The following GPC5 variants were observed in gnomAD, a reference collection of about 807,000 sequenced individuals.
GPC5 encodes the protein glypican-5.
In GPC5, 47 loss-of-function variants were observed where a neutral mutation model predicts 53.9. That is an observed-to-expected ratio of 0.87 (90% CI 0.69 to 1.11). The LOEUF (loss-of-function observed/expected upper bound fraction) is 1.11, where lower values mean the gene tolerates loss of function less well. GPC5 is among the 50% of genes most tolerant of loss of function. The pLI is 0.00. For missense variants in GPC5, 748 were observed against 713.1 expected (o/e 1.05, Z -0.56); for synonymous variants, 286 against 263.3 (o/e 1.09, Z -0.84).
At chr13:91,747,606 C>T (rs912037029) in intron 4 of GPC5, among the ~76,000 whole-genome samples, 1 of 150,922 alleles carries the variant, frequency 6.6e-6, no homozygotes, top group East Asian at 1.9e-4. Flanking sequence ...ATTGCATTCT[C>T]ATTGTAGCTT....
chr13:92,478,149 G>T (rs1234381771), intron 7 of GPC5, among the ~76,000 whole-genome samples: 1 of 151,942 alleles, frequency 6.6e-6, no homozygotes, highest in African/African-American at 2.4e-5. Flanking sequence ...TTGATTTTTA[G>T]CTATAATCTC....
chr13:92,575,046 C>G lies in GPC5; in HGVS notation c.1562-291236C>G, dbSNP rs565889443. ...ACATGAAGCTTAAAACCTCCTGAGG[C>G]GCTACCCTTGGCAATAGTTTCCATC... On this transcript the variant is annotated intron_variant, in intron 7 of 7. Transcript: ENST00000377067. 2.0e-5 allele frequency among the ~76,000 whole-genome samples: 3 copies of G among 152,274 alleles called. No individual in the cohort carries two copies. The South Asian group carries it at 6.2e-4, about 32-fold the overall frequency.
chr13:92,346,230 G>A (rs554765342), intron 7 of GPC5, among the ~76,000 whole-genome samples: 1 of 152,228 alleles, frequency 6.6e-6, no homozygotes, highest in Admixed American at 6.5e-5. Flanking sequence ...TTCTGATCCT[G>A]CCTGTCCCAA....
chr13:92,526,042 G>A lies in GPC5; in HGVS notation c.1562-340240G>A, dbSNP rs147464601. On this transcript the variant is annotated intron_variant, in intron 7 of 7. Transcript: ENST00000377067. ...ACATAAACATGTTCAAGTATCTCCT[G>A]TCTTAAATGTTACTGTAGAACACAG... 4.0e-3 allele frequency among the ~76,000 whole-genome samples: 608 copies of A among 152,086 alleles called. 7 individuals are homozygous for A. The highest frequency in any genetic ancestry group is 0.014 in the African/African-American group (591 of 41,508).
At position 92,628,264 on chromosome 13, in the gene GPC5, C is replaced by CTTTTTTTTTTTTTTTTTTTTTTTTTT. The variant is rs71123419; in HGVS notation, c.1562-238014_1562-237989dup. ...TTTTCTTTTCTTTTTCTTTTTCTTTCTTTTTTTTTTTTTTTTTTTTTTTTT... is the reference window on the plus strand; with the variant it reads ...TTTTCTTTTCTTTTTCTTTTTCTTTCTTTTTTTTTTTTTTTTTTTTTTTTTTTTTTTTTTTTTTTTTTTTTTTTTTT... On this transcript the variant is annotated intron_variant, in intron 7 of 7. Transcript: ENST00000377067. 5.8e-3 allele frequency among the ~76,000 whole-genome samples: 263 copies of CTTTTTTTTTTTTTTTTTTTTTTTTTT among 45,358 alleles called. 64 individuals carry two copies. The highest frequency in any genetic ancestry group is 7.4e-3 in the Non-Finnish European group (171 of 23,122). The allele number at this position is 45,358 out of a possible 152,430, so 29.8% of individuals were successfully genotyped here. A position where few individuals can be genotyped will look rare whatever the true frequency, so the allele number is the denominator to read the frequency against.
intron 7 of GPC5, among the ~76,000 whole-genome samples, chr13:92,275,678 G>T (rs979509433): frequency 2.0e-5 from 3 of 152,030 alleles, no homozygotes; most frequent in Admixed American, 6.6e-5. Flanking sequence ...GCAGGAAATG[G>T]TTACATAAAT....
chr13:92,072,645 C>A (rs1240855517), intron 6 of GPC5, among the ~76,000 whole-genome samples: 3 of 149,164 alleles, frequency 2.0e-5, no homozygotes, highest in African/African-American at 7.5e-5. Flanking sequence ...ATGATCTCGG[C>A]TCATTTCATC....
chr13:92,044,930 G>C (rs142845907), intron 6 of GPC5, among the ~76,000 whole-genome samples: 1 of 152,196 alleles, frequency 6.6e-6, no homozygotes, highest in Non-Finnish European at 1.5e-5. Flanking sequence ...ACTATCATTA[G>C]TGTATTTATT....
Position 91,797,150 on chromosome 13 carries a change from G to A in GPC5, c.1280+40730G>A, listed in dbSNP as rs186687703. Among the ~76,000 whole-genome samples, 28 of 151,708 alleles carry A rather than the reference G, an allele frequency of 1.8e-4. 1 individual carries two copies. Among genetic ancestry groups the A allele is most frequent in the East Asian group, 7.8e-4 (4 of 5,154 alleles). On this transcript the variant is annotated intron_variant, in intron 5 of 7. Transcript: ENST00000377067. ...AGAAAAACTTCATACTAATCTTTCC[G>A]TCCCCAAAGTCAGCTTAAGTATAGA...
intron 7 of GPC5, among the ~76,000 whole-genome samples, chr13:92,639,942 C>A (rs930803110): frequency 3.3e-5 from 5 of 151,954 alleles, no homozygotes; most frequent in African/African-American, 1.2e-4. Context: ...CTAGAAATTA[C>A]TTTATAAGTG....
intron 7 of GPC5, among the ~76,000 whole-genome samples, chr13:92,858,848 G>A (rs1879091689): frequency 6.6e-6 from 1 of 152,140 alleles, no homozygotes; most frequent in African/African-American, 2.4e-5. Flanking sequence ...TTGTCAGGGA[G>A]TGGTTAGAAA....
intron 6 of GPC5, among the ~76,000 whole-genome samples, chr13:91,948,861 C>A (rs1464988419): frequency 6.6e-6 from 1 of 152,026 alleles, no homozygotes; most frequent in African/African-American, 2.4e-5. Context: ...TTTTAGTATG[C>A]TTTGTTAGTG....
At chr13:91,408,932 G>A (rs1877521823) in intron 1 of GPC5, among the ~76,000 whole-genome samples, 1 of 152,100 alleles carries the variant, frequency 6.6e-6, no homozygotes, top group African/African-American at 2.4e-5. Flanking sequence ...TGCCTTGGGA[G>A]AAGATAAAAT....
intron 7 of GPC5, among the ~76,000 whole-genome samples, chr13:92,516,260 T>G (rs1880775063): frequency 6.6e-6 from 1 of 152,114 alleles, no homozygotes; most frequent in Non-Finnish European, 1.5e-5. Context: ...ATAATAATAA[T>G]CCATATAGCA....
At chr13:91,899,399 G>A (rs1370044966) in intron 5 of GPC5, among the ~76,000 whole-genome samples, 1 of 152,098 alleles carries the variant, frequency 6.6e-6, no homozygotes, top group African/African-American at 2.4e-5. Context: ...TTTAAGAGGT[G>A]TACTTGTGAA....
At chr13:92,696,468 T>C (rs1387051156) in intron 7 of GPC5, among the ~76,000 whole-genome samples, 2 of 152,234 alleles carry the variant, frequency 1.3e-5, no homozygotes, top group Admixed American at 6.5e-5. Context: ...CTTTTTTAAA[T>C]ATGTTAGTTG....
chr13:91,536,727 C>A (rs1886607880), intron 2 of GPC5, among the ~76,000 whole-genome samples: 1 of 152,160 alleles, frequency 6.6e-6, no homozygotes, highest in Admixed American at 6.5e-5. Flanking sequence ...CTAGGGTCCA[C>A]CCCAATGTCT....
chr13:92,331,911 AAAAAT>A (rs1275314388), intron 7 of GPC5, among the ~76,000 whole-genome samples: 5 of 152,130 alleles, frequency 3.3e-5, no homozygotes, highest in Non-Finnish European at 5.9e-5. Flanking sequence ...CAATAACAAA[AAAAAT>A]AAGAAAAAAT....
chr13:91,959,288 A>C (rs1442082727), intron 6 of GPC5, among the ~76,000 whole-genome samples: 1 of 152,044 alleles, frequency 6.6e-6, no homozygotes, highest in Non-Finnish European at 1.5e-5. Flanking sequence ...TATACTCACA[A>C]ACAGGAAAAC....
Sources: gnomAD v4.1 joint callset for allele counts (sites outside exome capture counted in the v4.1 genomes callset) on GRCh38, gnomAD v4.1.1 for gene constraint, MANE v1.5 for transcripts, NCBI Gene and HGNC (gene_info 2026-07-23, HGNC 2026-07-21) for gene names.